Variants in ENPP2 observed in about 807,000 individuals in gnomAD.
ENPP2 encodes the protein autotaxin.
In ENPP2, 51 loss-of-function variants were observed where a neutral mutation model predicts 120.2. The observed-to-expected ratio is 0.42, with a 90% confidence interval of 0.34 to 0.54. The LOEUF is 0.54. Ranked by LOEUF, ENPP2 falls within the 20% of genes least tolerant of loss-of-function variation. The pLI, the probability that ENPP2 is intolerant of heterozygous loss-of-function variation, is 0.04. For missense variants in ENPP2, 920 were observed against 1,066.5 expected, an observed-to-expected ratio of 0.86 and a Z score of 1.91; for synonymous variants, 365 against 366.4, an observed-to-expected ratio of 1.00 and a Z score of 0.04.
intron 2 of ENPP2, 115 bp downstream of exon 2, chr8:119,638,306 GACTA>G (rs1401554816): frequency 1.8e-5 from 11 of 599,122 alleles, no homozygotes; most frequent in Admixed American, 1.2e-4. Flanking sequence ...AGAAATTTAG[GACTA>G]ACTTAGTTAT....
chr8:119,649,263 G>A (rs1341448227), intron 1 of ENPP2, among the ~76,000 whole-genome samples: 3 of 151,202 alleles, frequency 2.0e-5, no homozygotes, highest in Non-Finnish European at 4.4e-5. Flanking sequence ...ATAGCCGGGT[G>A]TGGTCGTGGG....
chr8:119,571,627 T>A (rs1814989085), intron 19 of ENPP2: 1 of 152,284 alleles, frequency 6.6e-6, no homozygotes, highest in Non-Finnish European at 1.5e-5. Context: ...TGGAGCTTGA[T>A]CTGCCCACTT....
intron 2 of ENPP2, among the ~76,000 whole-genome samples, chr8:119,632,300 A>G (rs1816735731): frequency 6.6e-6 from 1 of 152,218 alleles, no homozygotes; most frequent in African/African-American, 2.4e-5. Flanking sequence ...GAAAACAACT[A>G]AAACAAACAA....
intron 19 of ENPP2, among the ~76,000 whole-genome samples, chr8:119,574,682 G>A (rs1406748876): frequency 2.6e-5 from 4 of 152,052 alleles, no homozygotes; most frequent in Non-Finnish European, 4.4e-5. Context: ...CCACAGATGA[G>A]CAGGCTGTCT....
At chr8:119,606,465 A>T (rs79890732) in intron 9 of ENPP2, among the ~76,000 whole-genome samples, 8,889 of 152,176 alleles carry the variant, frequency 0.058, 763 homozygotes, top group African/African-American at 0.19. Context: ...ACAGAAGAAA[A>T]TACTTCTATG....
At chr8:119,596,167 T>C (rs901161830) in intron 11 of ENPP2, among the ~76,000 whole-genome samples, 5 of 152,230 alleles carry the variant, frequency 3.3e-5, no homozygotes, top group Non-Finnish European at 7.3e-5. Context: ...AGGAACTCTA[T>C]GGAGAGAAGC....
intron 13 of ENPP2, among the ~76,000 whole-genome samples, chr8:119,588,616 A>T (rs1411721818): frequency 6.6e-6 from 1 of 151,766 alleles, no homozygotes; most frequent in East Asian, 1.9e-4. Flanking sequence ...TGCTGTTCAA[A>T]TCCTCACTAA....
At chr8:119,570,307 G>T (rs1388161396) in intron 20 of ENPP2, among the ~76,000 whole-genome samples, 1 of 149,046 alleles carries the variant, frequency 6.7e-6, no homozygotes, top group African/African-American at 2.5e-5. Context: ...TGCTGATAGT[G>T]GGGGAGGTTG....
At chr8:119,578,042 TTTG>T (rs1032208590) in intron 19 of ENPP2, among the ~76,000 whole-genome samples, 4 of 152,132 alleles carry the variant, frequency 2.6e-5, no homozygotes, top group East Asian at 3.9e-4. Flanking sequence ...TGTGTGTTTT[TTTG>T]TTGTTGTTGT....
chr8:119,647,776 G>T (rs1227808637), intron 1 of ENPP2, among the ~76,000 whole-genome samples: 1 of 152,092 alleles, frequency 6.6e-6, no homozygotes, highest in Admixed American at 6.5e-5. Flanking sequence ...AGGCAGAGGC[G>T]GGTGGATTAC....
chr8:119,575,092 A>T (rs954145420), intron 19 of ENPP2, among the ~76,000 whole-genome samples: 1 of 152,070 alleles, frequency 6.6e-6, no homozygotes, highest in African/African-American at 2.4e-5. Context: ...AATGATACAT[A>T]TTTTTTTTAA....
chr8:119,599,735 G>T (rs992149424), intron 11 of ENPP2, among the ~76,000 whole-genome samples: 10 of 152,154 alleles, frequency 6.6e-5, no homozygotes, highest in Non-Finnish European at 1.5e-4. Context: ...GCTGGGTGTG[G>T]TGGCTCACGC....
chr8:119,567,000 A>G (rs746467320), intron 22 of ENPP2, among the ~76,000 whole-genome samples: 3 of 152,100 alleles, frequency 2.0e-5, no homozygotes, highest in Admixed American at 6.5e-5. Flanking sequence ...GGCCCTTTTC[A>G]CCAATGTTAA....
chr8:119,607,964 G>T lies in ENPP2; in HGVS notation c.791C>A (p.Ala264Asp). ...TCCAGCTTTCACCCCTTGCTTGGTG[G>T]CTGTAATCCATAGCTAATGAGGAAA... Reference protein sequence around the residue: ...WWGGQPLWITATKQGVKAGTF... With the variant: ...WWGGQPLWITDTKQGVKAGTF... The change falls in exon 9 of 25, where the codon GCC becomes GAC. Residue 264 changes from alanine (A) to aspartate (D), a missense_variant. By Grantham distance (126) the Ala-to-Asp change is moderately radical (BLOSUM62 -2). Transcript: ENST00000075322. 1 of 1,609,610 alleles carries T rather than the reference G, an allele frequency of 6.2e-7. No individual in the cohort carries two copies. Among genetic ancestry groups the T allele is most frequent in the Non-Finnish European group, 8.5e-7 (1 of 1,177,428 alleles).
At chr8:119,557,718 A>C (rs1026797643) in intron 24 of ENPP2, 27 bp from the exon 25 acceptor site, 1 of 1,518,648 alleles carries the variant, frequency 6.6e-7, no homozygotes, top group Non-Finnish European at 8.8e-7. Context: ...ACAAAATCAG[A>C]ATCAGAATTT....
At chr8:119,671,357 C>T (rs914245687) in intron 1 of ENPP2, among the ~76,000 whole-genome samples, 9 of 152,076 alleles carry the variant, frequency 5.9e-5, no homozygotes, top group Non-Finnish European at 1.0e-4. Context: ...GAGGTATGGG[C>T]TGGGCAGGAC....
intron 1 of ENPP2, among the ~76,000 whole-genome samples, chr8:119,653,386 C>A (rs989386296): frequency 6.6e-6 from 1 of 152,124 alleles, no homozygotes; most frequent in African/African-American, 2.4e-5. Flanking sequence ...GAAAAAAGAG[C>A]ACAAGAGCAA....
At chr8:119,579,199 G>C (rs1280383842) in intron 19 of ENPP2, among the ~76,000 whole-genome samples, 1 of 152,126 alleles carries the variant, frequency 6.6e-6, no homozygotes, top group Non-Finnish European at 1.5e-5. Flanking sequence ...GATAAAAAGA[G>C]CCTGCATGGT....
intron 3 of ENPP2, among the ~76,000 whole-genome samples, chr8:119,623,167 A>G (rs1293713399): frequency 6.6e-6 from 1 of 152,114 alleles, no homozygotes; most frequent in Non-Finnish European, 1.5e-5. Context: ...TGAATACATT[A>G]ATAAAGAGAT....
Sources: allele counts gnomAD v4.1 joint callset (sites outside exome capture counted in the v4.1 genomes callset), GRCh38; gene constraint gnomAD v4.1.1; transcripts MANE v1.5; gene names NCBI Gene and HGNC (gene_info 2026-07-23, HGNC 2026-07-21).